Variants in EIF2S1 observed in about 807,000 individuals in gnomAD.
EIF2S1 encodes the protein eukaryotic translation initiation factor 2 subunit alpha.
A neutral mutation model predicts 33.5 loss-of-function variants in EIF2S1; 5 were observed. The observed-to-expected ratio is 0.15, with a 90% CI of 0.08 to 0.31. EIF2S1 has a LOEUF of 0.31. EIF2S1 is among the 10% of genes least tolerant of loss of function. EIF2S1 has a pLI of 1.00. For synonymous variants in EIF2S1, 99 were observed against 127.5 expected (o/e 0.78, Z 1.51); for missense variants, 191 against 384.6 (o/e 0.50, Z 4.21).
At chr14:67,372,386 C>T (rs528867736) in intron 2 of EIF2S1, among the ~76,000 whole-genome samples, 1 of 152,134 alleles carries the variant, frequency 6.6e-6, no homozygotes. Context: ...GCAAAGATTT[C>T]TTAGATAGCA....
intron 1 of EIF2S1, among the ~76,000 whole-genome samples, chr14:67,362,759 A>T (rs1013697253): frequency 1.2e-4 from 18 of 152,320 alleles, no homozygotes; most frequent in Non-Finnish European, 2.4e-4. Flanking sequence ...TAAAAAAAAA[A>T]TTTAAGTTAT....
intron 6 of EIF2S1, 163 bp from the exon 7 acceptor site, chr14:67,382,284 G>A (rs1023759721): frequency 1.2e-5 from 6 of 500,146 alleles, no homozygotes; most frequent in South Asian, 3.2e-5. Flanking sequence ...ACCCCAAAAC[G>A]TAATTGCCAA....
chr14:67,383,397 G>A lies in EIF2S1; in HGVS notation c.905G>A (p.Gly302Glu). Reference sequence around the variant, plus strand: ...GAAAGAGAAAATGCCGAAGTGGATGGAGATGATGATGCAGAAGAAATGGAA... The same window carrying A: ...GAAAGAGAAAATGCCGAAGTGGATGAAGATGATGATGCAGAAGAAATGGAA... ...RLERENAEVD[G>E]DDDAEEMEAK... The change falls in exon 8 of 8, where the codon GGA (glycine) becomes GAA (glutamate). Residue 302 changes from glycine to glutamate, a missense_variant. Gly to Glu is a moderately conservative substitution (Grantham distance 98). Coordinates refer to ENST00000256383, the MANE Select transcript of EIF2S1 (RefSeq NM_004094.5). 1 of 1,613,712 alleles carries A rather than the reference G, an allele frequency of 6.2e-7. No homozygotes were observed. The highest frequency in any genetic ancestry group is 8.5e-7 in the Non-Finnish European group (1 of 1,179,726).
intron 2 of EIF2S1, among the ~76,000 whole-genome samples, chr14:67,369,908 A>G (rs2085808052): frequency 6.6e-6 from 1 of 152,196 alleles, no homozygotes; most frequent in Admixed American, 6.5e-5. Flanking sequence ...ACACACACAC[A>G]CAAATATAGG....
intron 1 of EIF2S1, among the ~76,000 whole-genome samples, chr14:67,361,192 A>C (rs1288639184): frequency 6.6e-6 from 1 of 152,198 alleles, no homozygotes; most frequent in African/African-American, 2.4e-5. Flanking sequence ...CTTTATCCTC[A>C]AAACTTAGGC....
At position 67,375,232 on chromosome 14, in the gene EIF2S1, CTGTGTGTGTGTGTGTGTG is replaced by C. The variant is rs3067321; in HGVS notation, c.321+719_321+736del. On this transcript the variant is annotated intron_variant, in intron 3 of 7. Coordinates refer to ENST00000256383, the MANE Select transcript of EIF2S1 (RefSeq NM_004094.5). ...TCCTTCATCCTCTACATCCTCAGTTCTGTGTGTGTGTGTGTGTGTGTGTGTGTGTGTGTGTGTGTGTGT... is the reference window on the plus strand; with the variant it reads ...TCCTTCATCCTCTACATCCTCAGTTCTGTGTGTGTGTGTGTGTGTGTGTGT... Among the ~76,000 whole-genome samples the C allele has an allele frequency of 7.8e-4, 108 of 137,668 alleles. 1 individual carries two copies. Among genetic ancestry groups the C allele is most frequent in the East Asian group, 2.2e-3 (10 of 4,628 alleles). 90.3% of individuals were successfully genotyped at this position (137,668 alleles called of 152,430 possible).
At chr14:67,380,809 CA>C (rs35961255) in intron 5 of EIF2S1, 44 bp downstream of exon 5, 7 of 1,070,284 alleles carry the variant, frequency 6.5e-6, no homozygotes, top group East Asian at 2.7e-5. Flanking sequence ...TTGCATGCAT[CA>C]AAAAAGCTAT....
At position 67,383,455 on chromosome 14, in the gene EIF2S1, G is replaced by T; in HGVS notation, c.*15G>T. On this transcript the variant is annotated 3_prime_UTR_variant, in exon 8 of 8. Transcript: ENST00000256383. The stretch of plus-strand genomic sequence containing the variant: ...CTGAAGATTAACTTTGTGGGAAACA[G>T]AGTCCAATTTAAGGAACACAGAGCA... 1.2e-6 allele frequency: 2 copies of T among 1,611,948 alleles called. No individual in the cohort carries two copies. The highest frequency in any genetic ancestry group is 2.2e-5 in the South Asian group (2 of 90,972).
chr14:67,380,235 A>G (rs1595650245), intron 4 of EIF2S1, among the ~76,000 whole-genome samples: 1 of 152,200 alleles, frequency 6.6e-6, no homozygotes, highest in African/African-American at 2.4e-5. Context: ...TACTTTTTGC[A>G]TGAAGCCCTT....
intron 2 of EIF2S1, among the ~76,000 whole-genome samples, chr14:67,369,402 C>T (rs2085803871): frequency 6.6e-6 from 1 of 152,102 alleles, no homozygotes; most frequent in South Asian, 2.1e-4. Context: ...ATAGACAAAT[C>T]TATAATCATA....
In EIF2S1 at chr14:67,385,205, G is replaced by A. The variant is rs547924535; in HGVS notation, c.*1765G>A. 1 of 152,192 alleles carries A rather than the reference G, an allele frequency of 6.6e-6. No homozygotes were observed. Among genetic ancestry groups the A allele is most frequent in the African/African-American group, 2.4e-5 (1 of 41,524 alleles). The allele number at this position is 152,192 out of a possible 1,614,324, so 9.4% of individuals were successfully genotyped here. Reference sequence around the variant, plus strand: ...ATTCATACACCTTGCTAACCTAAAAGACAGCAGGGACAAGATACATATGAG... The same window carrying A: ...ATTCATACACCTTGCTAACCTAAAAAACAGCAGGGACAAGATACATATGAG... On this transcript the variant is annotated 3_prime_UTR_variant, in exon 8 of 8. Transcript: ENST00000256383.
intron 2 of EIF2S1, among the ~76,000 whole-genome samples, chr14:67,372,969 G>A (rs1343672774): frequency 6.6e-6 from 1 of 152,148 alleles, no homozygotes; most frequent in Non-Finnish European, 1.5e-5. Flanking sequence ...AACATCATTA[G>A]TCATTAGGAA....
At position 67,384,542 on chromosome 14, in the gene EIF2S1, G is replaced by A. The variant is rs1199144424; in HGVS notation, c.*1102G>A. Reference sequence around the variant, plus strand: ...AATTTATTCTCTTATGATACTTGAGGTACCAGTTGTATTTAATTTTATTCA... The same window carrying A: ...AATTTATTCTCTTATGATACTTGAGATACCAGTTGTATTTAATTTTATTCA... On this transcript the variant is annotated 3_prime_UTR_variant, in exon 8 of 8. Coordinates refer to ENST00000256383, the MANE Select transcript of EIF2S1 (RefSeq NM_004094.5). 6.6e-6 allele frequency: 1 copy of A among 151,918 alleles called. No homozygotes were observed. The highest frequency in any genetic ancestry group is 1.5e-5 in the Non-Finnish European group (1 of 67,992). 9.4% of individuals were successfully genotyped at this position (151,918 alleles called of 1,614,324 possible). A position where few individuals can be genotyped will look rare whatever the true frequency, so the allele number is the denominator to read the frequency against.
chr14:67,372,577 T>C (rs530070943), intron 2 of EIF2S1, among the ~76,000 whole-genome samples: 14 of 152,328 alleles, frequency 9.2e-5, no homozygotes, highest in Admixed American at 2.6e-4. Flanking sequence ...ACGCCTGTTA[T>C]CCCAGCACTT....
Position 67,382,343 on chromosome 14 carries a change from TGG to T in EIF2S1, c.679-101_679-100del. On this transcript the variant is annotated intron_variant, in intron 6 of 7. Transcript: ENST00000256383. Reference sequence around the variant, plus strand: ...TCCTGTAGAATTGGCAATTACGTTTTGGGGTGATTTGTTAATACAGCAGATTA... The same window carrying T: ...TCCTGTAGAATTGGCAATTACGTTTTGGTGATTTGTTAATACAGCAGATTA... 3.8e-6 allele frequency: 4 copies of T among 1,066,336 alleles called. No individual in the cohort carries two copies. In the South Asian group the frequency reaches 6.5e-5, roughly 17 times the overall value. The allele number at this position is 1,066,336 out of a possible 1,614,324, so 66.1% of individuals were successfully genotyped here. A position where few individuals can be genotyped will look rare whatever the true frequency, so the allele number is the denominator to read the frequency against.
intron 6 of EIF2S1, 110 bp downstream of exon 6, chr14:67,381,800 G>C (rs2085889187): frequency 1.4e-6 from 1 of 719,864 alleles, no homozygotes; most frequent in Non-Finnish European, 2.3e-6. Flanking sequence ...ACAAAAGTGG[G>C]TTTTTTACTC....
chr14:67,360,762 C>G (rs2085731010), intron 1 of EIF2S1: 1 of 152,312 alleles, frequency 6.6e-6, no homozygotes, highest in Non-Finnish European at 1.5e-5. Flanking sequence ...ATGGGGCGGT[C>G]TCAGGAGAAC....
intron 2 of EIF2S1, among the ~76,000 whole-genome samples, chr14:67,367,219 A>G (rs901257402): frequency 6.6e-6 from 1 of 152,338 alleles, no homozygotes; most frequent in Admixed American, 6.5e-5. Flanking sequence ...ACTGCCTGCT[A>G]AAACAAAAAA....
chr14:67,378,847 C>G (rs529080492), intron 4 of EIF2S1, among the ~76,000 whole-genome samples: 2 of 152,286 alleles, frequency 1.3e-5, no homozygotes, highest in Non-Finnish European at 1.5e-5. Flanking sequence ...TTTTACCTTT[C>G]CAGACCTATT....
Sources: allele counts gnomAD v4.1 joint callset (sites outside exome capture counted in the v4.1 genomes callset), GRCh38; gene constraint gnomAD v4.1.1; transcripts MANE v1.5; gene names NCBI Gene and HGNC (gene_info 2026-07-23, HGNC 2026-07-21).